Variants in SNX4 observed in about 807,000 individuals in gnomAD.
The protein encoded by SNX4 is sorting nexin-4.
In SNX4, 49 loss-of-function variants were observed where a neutral mutation model predicts 70.8. That is an observed-to-expected ratio of 0.69 (90% CI 0.55 to 0.88). The LOEUF is 0.88. Among genes scored for constraint, SNX4 ranks in the 40% least tolerant of loss-of-function variants. The pLI is 0.00. For synonymous variants in SNX4, 206 were observed against 183.8 expected (o/e 1.12, Z -0.98); for missense variants, 528 against 544.8 (o/e 0.97, Z 0.31).
At chr3:125,464,376 C>G (rs1301632776) in intron 9 of SNX4, among the ~76,000 whole-genome samples, 1 of 151,478 alleles carries the variant, frequency 6.6e-6, no homozygotes. Context: ...ATAAGCTATA[C>G]TTTTACCTTT....
chr3:125,485,995 C>T (rs952996582), intron 6 of SNX4, among the ~76,000 whole-genome samples: 1 of 152,132 alleles, frequency 6.6e-6, no homozygotes, highest in African/African-American at 2.4e-5. Context: ...TGTGCCCCAC[C>T]ACACCCAACT....
intron 2 of SNX4, among the ~76,000 whole-genome samples, chr3:125,500,799 C>CAAAAA (rs770336677): frequency 3.1e-4 from 9 of 29,314 alleles, no homozygotes; most frequent in African/African-American, 7.7e-4. Context: ...GACTCCGTCT[C>CAAAAA]AAAAAAAAAA....
chr3:125,473,043 G>T, intron 8 of SNX4, among the ~76,000 whole-genome samples: 1 of 150,924 alleles, frequency 6.6e-6, no homozygotes, highest in Non-Finnish European at 1.5e-5. Flanking sequence ...CTTTTATTTT[G>T]GACTCAGGAA....
intron 5 of SNX4, among the ~76,000 whole-genome samples, chr3:125,489,670 T>C (rs1325684707): frequency 6.6e-6 from 1 of 152,228 alleles, no homozygotes; most frequent in African/African-American, 2.4e-5. Flanking sequence ...ACTGAATACA[T>C]GGCATTCAAT....
At chr3:125,490,971 A>T (rs1211302639) in intron 5 of SNX4, among the ~76,000 whole-genome samples, 1 of 152,198 alleles carries the variant, frequency 6.6e-6, no homozygotes, top group Non-Finnish European at 1.5e-5. Context: ...TGAATAAACA[A>T]ACAAAACAAA....
intron 5 of SNX4, among the ~76,000 whole-genome samples, chr3:125,492,433 T>C (rs1034665198): frequency 1.3e-5 from 2 of 152,118 alleles, no homozygotes; most frequent in Non-Finnish European, 2.9e-5. Flanking sequence ...TCTTTTTTTT[T>C]TTCAAGACAG....
intron 5 of SNX4, among the ~76,000 whole-genome samples, chr3:125,496,951 A>G (rs1934805140): frequency 6.6e-6 from 1 of 152,116 alleles, no homozygotes; most frequent in Non-Finnish European, 1.5e-5. Context: ...AGAGTGAGCA[A>G]CTGTCGGGGG....
At chr3:125,492,483 T>A (rs1414672589) in intron 5 of SNX4, among the ~76,000 whole-genome samples, 1 of 151,992 alleles carries the variant, frequency 6.6e-6, no homozygotes, top group Non-Finnish European at 1.5e-5. Flanking sequence ...CAACATGTGG[T>A]CCCCATCTTA....
chr3:125,479,541 C>T (rs1311319550), intron 7 of SNX4, among the ~76,000 whole-genome samples: 3 of 151,414 alleles, frequency 2.0e-5, no homozygotes, highest in Non-Finnish European at 2.9e-5. Context: ...GGTGACAGAG[C>T]GAGACTCCAT....
intron 9 of SNX4, among the ~76,000 whole-genome samples, chr3:125,466,853 G>C (rs1163067807): frequency 6.6e-6 from 1 of 152,180 alleles, no homozygotes; most frequent in East Asian, 1.9e-4. Flanking sequence ...GGGAGGCTGA[G>C]GTGGGCGGAT....
At chr3:125,510,997 C>T (rs1935160058) in intron 1 of SNX4, among the ~76,000 whole-genome samples, 1 of 152,222 alleles carries the variant, frequency 6.6e-6, no homozygotes, top group African/African-American at 2.4e-5. Context: ...CGGCTGACCG[C>T]AACCTCAGCC....
At chr3:125,460,423 C>A (rs1276467870) in intron 10 of SNX4, among the ~76,000 whole-genome samples, 1 of 152,090 alleles carries the variant, frequency 6.6e-6, no homozygotes, top group African/African-American at 2.4e-5. Context: ...TGATAAGACA[C>A]ACAGAATAAA....
chr3:125,474,022 G>A (rs1382037613), intron 8 of SNX4, among the ~76,000 whole-genome samples: 2 of 152,058 alleles, frequency 1.3e-5, no homozygotes, highest in Non-Finnish European at 2.9e-5. Flanking sequence ...TTATCCACAT[G>A]AGAACCCTCA....
chr3:125,457,380 A>C lies in SNX4; in HGVS notation c.945-15T>G. 1 of 1,590,056 alleles carries C rather than the reference A, an allele frequency of 6.3e-7. No homozygotes were observed. Among genetic ancestry groups the C allele is most frequent in the Non-Finnish European group, 8.6e-7 (1 of 1,158,140 alleles). On this transcript the variant is annotated splice_polypyrimidine_tract_variant and intron_variant, in intron 10 of 13. Coordinates refer to ENST00000251775, the MANE Select transcript of SNX4 (RefSeq NM_003794.4). ...TGCACACAGCCCTACAGATGAAAAA[A>C]TGTGCTGCCATTTAACTTTTCCTTT... is the stretch of plus-strand genomic sequence containing the variant.
chr3:125,519,925 G>A (rs1230603185), intron 1 of SNX4, 107 bp downstream of exon 1: 8 of 1,088,594 alleles, frequency 7.3e-6, no homozygotes, highest in Non-Finnish European at 9.9e-6. Context: ...GGGCCTCCTC[G>A]GCCGAGCCCA....
At chr3:125,492,583 T>C (rs569081316) in intron 5 of SNX4, among the ~76,000 whole-genome samples, 48 of 152,328 alleles carry the variant, frequency 3.2e-4, no homozygotes, top group African/African-American at 1.1e-3. Context: ...AAATAATCCC[T>C]GCTGTCATAT....
In SNX4 at chr3:125,520,069, G is replaced by T; in HGVS notation, c.104C>A (p.Ala35Glu). The change falls in exon 1 of 14, where the codon GCG (alanine) becomes GAG (glutamate). Residue 35 changes from alanine (A) to glutamate (E), a missense_variant. By Grantham distance (107) the Ala-to-Glu change is moderately radical (BLOSUM62 -1). This residue lies in a region of SNX4 where 341 missense variants were observed against 312.2 expected (regional missense o/e 1.09). Transcript: ENST00000251775. The stretch of plus-strand genomic sequence containing the variant: ...AGAGCTCTCTTCTCCGGCCCCCTCC[G>T]CTTCCTTGCCGACCGCAGCCCCCAG... ...AGLGAAVGKE[A>E]EGAGEESSGV... The T allele has an allele frequency of 1.3e-6, 2 of 1,549,134 alleles. No individual in the cohort carries two copies. The highest frequency in any genetic ancestry group is 2.7e-5 in the East Asian group (1 of 36,800).
chr3:125,484,524 G>T (rs1934480813), intron 6 of SNX4, among the ~76,000 whole-genome samples: 1 of 152,062 alleles, frequency 6.6e-6, no homozygotes, highest in Non-Finnish European at 1.5e-5. Flanking sequence ...CAAAGTGCTG[G>T]AATTACAGGT....
At chr3:125,509,648 G>A (rs1935126131) in intron 1 of SNX4, among the ~76,000 whole-genome samples, 1 of 151,122 alleles carries the variant, frequency 6.6e-6, no homozygotes, top group Non-Finnish European at 1.5e-5. Context: ...AGCTACTTGG[G>A]AGGCTGAGGC....
Sources: gnomAD v4.1 joint callset for allele counts (sites outside exome capture counted in the v4.1 genomes callset) on GRCh38, gnomAD v4.1.1 for gene constraint, gnomAD v4.1.1 regional missense constraint, MANE v1.5 for transcripts, NCBI Gene and HGNC (gene_info 2026-07-23, HGNC 2026-07-21) for gene names.